MTMR10: variants seen among roughly 807,000 people sequenced by gnomAD.
MTMR10 encodes the protein myotubularin-related protein 10.
A neutral mutation model predicts 88.1 loss-of-function variants in MTMR10; 56 were observed. That is an observed-to-expected ratio of 0.64 (90% CI 0.51 to 0.79). The LOEUF (loss-of-function observed/expected upper bound fraction) is 0.79, where lower values mean the gene tolerates loss of function less well. MTMR10 is among the 30% of genes least tolerant of loss of function. MTMR10 has a pLI of 0.00. For synonymous variants in MTMR10, 380 were observed against 340.9 expected, an observed-to-expected ratio of 1.11 and a Z score of -1.26; for missense variants, 883 against 924.7, an observed-to-expected ratio of 0.95 and a Z score of 0.58.
intron 2 of MTMR10, among the ~76,000 whole-genome samples, chr15:30,979,667 C>A (rs1377272258): frequency 6.6e-6 from 1 of 152,178 alleles, no homozygotes; most frequent in African/African-American, 2.4e-5. Flanking sequence ...GTGGCAGAGC[C>A]TTGTGGCCAC....
chr15:30,958,751 GCTAA>G (rs1279764375), intron 9 of MTMR10, 108 bp downstream of exon 9: 31 of 1,086,312 alleles, frequency 2.9e-5, no homozygotes, highest in South Asian at 7.0e-5. Context: ...AAAACATGGT[GCTAA>G]CTAATTAGTA....
chr15:30,990,224 G>C (rs1412547619), intron 2 of MTMR10, among the ~76,000 whole-genome samples: 2 of 152,102 alleles, frequency 1.3e-5, no homozygotes, highest in Non-Finnish European at 2.9e-5. Flanking sequence ...ACTACTACTG[G>C]CATCTAGTGG....
At chr15:30,955,550 G>A (rs1028273011) in intron 9 of MTMR10, among the ~76,000 whole-genome samples, 17 of 152,064 alleles carry the variant, frequency 1.1e-4, no homozygotes, top group South Asian at 2.1e-4. Context: ...GATTACAGGC[G>A]TGAGCCACCG....
At chr15:30,966,093 C>A in intron 6 of MTMR10, 1 of 451,686 alleles carries the variant, frequency 2.2e-6, no homozygotes. Context: ...GGAATCTTAA[C>A]AAAACTATGG....
downstream of MTMR10, among the ~76,000 whole-genome samples, chr15:30,936,432 CAG>C (rs1425299016): frequency 2.0e-5 from 3 of 152,136 alleles, no homozygotes; most frequent in East Asian, 5.8e-4. Flanking sequence ...GAAAATGTAA[CAG>C]AGTAATCGGA....
the MTMR10 span, chr15:30,928,713 G>A: frequency 5.0e-6 from 8 of 1,608,798 alleles, no homozygotes; most frequent in Non-Finnish European, 6.8e-6. Context: ...CGTGGCTCAC[G>A]CCCACCTGGG....
chr15:30,924,833 G>T, the MTMR10 span, among the ~76,000 whole-genome samples: 1 of 152,120 alleles, frequency 6.6e-6, no homozygotes, highest in Admixed American at 6.5e-5. Flanking sequence ...GTAAAGTCAG[G>T]TACCCCTGAG....
chr15:30,973,281 T>G (rs1048544226), intron 5 of MTMR10, among the ~76,000 whole-genome samples: 1 of 152,094 alleles, frequency 6.6e-6, no homozygotes, highest in African/African-American at 2.4e-5. Flanking sequence ...CTTTTACCCA[T>G]AGAGGAGCCT....
At chr15:30,935,329 AAG>A (rs968240637), downstream of MTMR10, among the ~76,000 whole-genome samples, 2 of 152,076 alleles carry the variant, frequency 1.3e-5, no homozygotes, top group East Asian at 1.9e-4. Flanking sequence ...AAAAAAGAAA[AAG>A]AAAAAATTTC....
chr15:30,967,131 C>T (rs775165379), intron 6 of MTMR10, among the ~76,000 whole-genome samples: 4 of 152,074 alleles, frequency 2.6e-5, no homozygotes, highest in Non-Finnish European at 5.9e-5. Flanking sequence ...ATTATAAATA[C>T]ACAGCTGATT....
At chr15:30,935,197 G>T (rs909283562), downstream of MTMR10, among the ~76,000 whole-genome samples, 3 of 151,784 alleles carry the variant, frequency 2.0e-5, no homozygotes, top group African/African-American at 7.3e-5. Context: ...AGTCCCAGCT[G>T]CTTGGGAGGC....
At chr15:30,921,583 G>A in the MTMR10 span, among the ~76,000 whole-genome samples, 1 of 152,154 alleles carries the variant, frequency 6.6e-6, no homozygotes, top group Non-Finnish European at 1.5e-5. Flanking sequence ...CTGGTTTCTT[G>A]GCCTGGGGTC....
At chr15:30,969,149 G>T (rs1188172785) in intron 5 of MTMR10, among the ~76,000 whole-genome samples, 1 of 152,048 alleles carries the variant, frequency 6.6e-6, no homozygotes, top group Non-Finnish European at 1.5e-5. Flanking sequence ...GTAAGCATGT[G>T]TCAACTTGTT....
chr15:30,922,253 G>C, the MTMR10 span: 457 of 1,610,370 alleles, frequency 2.8e-4, 2 homozygotes, highest in African/African-American at 4.5e-3. Context: ...CAGAGAACTT[G>C]AAAGCCTTTT....
At chr15:30,925,018 T>C in the MTMR10 span, 1 of 1,175,964 alleles carries the variant, frequency 8.5e-7, no homozygotes, top group South Asian at 1.5e-5. Context: ...GCTCATTTGC[T>C]AATCAGCAAA....
chr15:30,976,713 C>CT (rs2030178598), intron 3 of MTMR10, 106 bp downstream of exon 3: 2 of 1,256,438 alleles, frequency 1.6e-6, no homozygotes, highest in Non-Finnish European at 2.2e-6. Flanking sequence ...ATTGCATTAC[C>CT]TAATACTTCT....
chr15:30,968,534 AACACAC>A lies in MTMR10; in HGVS notation c.475-530_475-525del, dbSNP rs61503155. Among the ~76,000 whole-genome samples the A allele has an allele frequency of 2.3e-3, 326 of 143,168 alleles. 2 individuals are homozygous for A. The highest frequency in any genetic ancestry group is 4.1e-3 in the African/African-American group (154 of 37,488). The allele number at this position is 143,168 out of a possible 152,430, so 93.9% of individuals were successfully genotyped here. On this transcript the variant is annotated intron_variant, in intron 5 of 15. Coordinates refer to ENST00000435680, the MANE Select transcript of MTMR10 (RefSeq NM_017762.3). ...GCTCAAAGAGGTACATCAAAAAAAC[AACACAC>A]ACACACACACACACACACACACACA...
intron 5 of MTMR10, among the ~76,000 whole-genome samples, chr15:30,973,062 T>C (rs1024366837): frequency 6.6e-6 from 1 of 152,192 alleles, no homozygotes; most frequent in Non-Finnish European, 1.5e-5. Context: ...ATAAATAAGC[T>C]TGAGGAATTA....
intron 2 of MTMR10, among the ~76,000 whole-genome samples, chr15:30,980,993 A>G (rs2030532089): frequency 6.6e-6 from 1 of 152,266 alleles, no homozygotes; most frequent in African/African-American, 2.4e-5. Flanking sequence ...TGTAGGAGGA[A>G]TAAGGAAACA....
Sources: allele counts gnomAD v4.1 joint callset (sites outside exome capture counted in the v4.1 genomes callset), GRCh38; gene constraint gnomAD v4.1.1; transcripts MANE v1.5; gene names NCBI Gene and HGNC (gene_info 2026-07-23, HGNC 2026-07-21).